NCAM2: variants seen among roughly 807,000 people sequenced by gnomAD.
The protein encoded by NCAM2 is N-CAM-2.
NCAM2 carries 30 observed loss-of-function variants against 98.1 expected under a neutral mutation model. The observed-to-expected ratio is 0.31, with a 90% CI of 0.23 to 0.41. The LOEUF (loss-of-function observed/expected upper bound fraction) is 0.41, where lower values mean the gene tolerates loss of function less well. NCAM2 is among the 10% of genes least tolerant of loss of function. NCAM2 has a pLI of 1.00. For missense variants in NCAM2, 867 were observed against 1,005.8 expected (o/e 0.86, Z 1.87); for synonymous variants, 368 against 342.4 (o/e 1.07, Z -0.83).
chr21:21,291,371 A>T (rs2147569620), intron 4 of NCAM2, among the ~76,000 whole-genome samples: 1 of 152,006 alleles, frequency 6.6e-6, no homozygotes, highest in Non-Finnish European at 1.5e-5. Flanking sequence ...ACAAAAAATA[A>T]TGCCAGGCTG....
intron 9 of NCAM2, among the ~76,000 whole-genome samples, chr21:21,397,802 C>T (rs2076544649): frequency 1.3e-5 from 2 of 152,236 alleles, no homozygotes; most frequent in African/African-American, 4.8e-5. Context: ...CCAGACCTCC[C>T]CAACTGCAGC....
At chr21:21,267,058 A>C (rs2072310507) in intron 1 of NCAM2, among the ~76,000 whole-genome samples, 1 of 152,164 alleles carries the variant, frequency 6.6e-6, no homozygotes, top group Admixed American at 6.5e-5. Flanking sequence ...CCAAGGAGAT[A>C]TCTGATGTGT....
At position 21,222,060 on chromosome 21, in the gene NCAM2, G is replaced by A. The variant is rs527758062; in HGVS notation, c.56-58518G>A. Among the ~76,000 whole-genome samples the A allele has an allele frequency of 5.3e-5, 8 of 152,198 alleles. No individual in the cohort carries two copies. The South Asian group carries it at 1.7e-3, about 32-fold the overall frequency. On this transcript the variant is annotated intron_variant, in intron 1 of 17. Transcript: ENST00000400546. ...AAATCTCCTCTGCCTGTGCATGTAA[G>A]CAGACCAACAAAGCCTGGATGACAG...
chr21:21,164,942 A>G (rs774639706), intron 1 of NCAM2, among the ~76,000 whole-genome samples: 56 of 152,176 alleles, frequency 3.7e-4, no homozygotes, highest in Non-Finnish European at 7.8e-4. Context: ...TAACTACAAA[A>G]ATTGATTGAA....
chr21:21,049,226 A>G (rs1157034589), intron 1 of NCAM2, among the ~76,000 whole-genome samples: 2 of 147,554 alleles, frequency 1.4e-5, no homozygotes, highest in Admixed American at 1.4e-4. Context: ...TCACCTTGTT[A>G]GCCAGGATAG....
chr21:21,105,992 T>G (rs2066336761), intron 1 of NCAM2, among the ~76,000 whole-genome samples: 1 of 152,102 alleles, frequency 6.6e-6, no homozygotes, highest in South Asian at 2.1e-4. Context: ...TTAATCTATA[T>G]ATATAAGTGT....
At chr21:21,432,415 C>A in intron 12 of NCAM2, 134 bp downstream of exon 12, 2 of 753,394 alleles carry the variant, frequency 2.7e-6, no homozygotes, top group Non-Finnish European at 4.2e-6. Flanking sequence ...ATTTTCTGTG[C>A]CCCATTCTTC....
chr21:21,255,929 A>G (rs191288722), intron 1 of NCAM2, among the ~76,000 whole-genome samples: 200 of 152,288 alleles, frequency 1.3e-3, no homozygotes, highest in African/African-American at 4.6e-3. Flanking sequence ...ATTATGACCA[A>G]CAACATAGAG....
At chr21:21,213,682 T>C (rs13051903) in intron 1 of NCAM2, among the ~76,000 whole-genome samples, 20 of 152,148 alleles carry the variant, frequency 1.3e-4, no homozygotes, top group Non-Finnish European at 2.9e-4. Context: ...AGTATTCAGG[T>C]TTTATATGAA....
At chr21:21,450,597 C>A (rs767491601) in intron 12 of NCAM2, among the ~76,000 whole-genome samples, 2 of 151,920 alleles carry the variant, frequency 1.3e-5, no homozygotes, top group Non-Finnish European at 2.9e-5. Flanking sequence ...CCCAAATCAC[C>A]GGGATTATAG....
intron 1 of NCAM2, among the ~76,000 whole-genome samples, chr21:21,222,766 T>A (rs2070222161): frequency 6.6e-6 from 1 of 152,182 alleles, no homozygotes; most frequent in Non-Finnish European, 1.5e-5. Flanking sequence ...AGAATATTAC[T>A]AAAACTTAGT....
intron 1 of NCAM2, among the ~76,000 whole-genome samples, chr21:21,005,022 T>C (rs939361680): frequency 1.3e-5 from 2 of 152,100 alleles, no homozygotes; most frequent in Non-Finnish European, 2.9e-5. Flanking sequence ...GTTGAGAGAA[T>C]AGAAATAATC....
chr21:21,401,840 T>C (rs1291066609), intron 9 of NCAM2, among the ~76,000 whole-genome samples: 1 of 152,166 alleles, frequency 6.6e-6, no homozygotes, highest in East Asian at 1.9e-4. Context: ...AATATGGTAA[T>C]TGTTGCAGGA....
At chr21:21,109,845 G>T (rs1216037550) in intron 1 of NCAM2, among the ~76,000 whole-genome samples, 1 of 152,162 alleles carries the variant, frequency 6.6e-6, no homozygotes, top group African/African-American at 2.4e-5. Flanking sequence ...ACTATTTAAA[G>T]ATAAGAACCT....
intron 1 of NCAM2, among the ~76,000 whole-genome samples, chr21:21,075,864 C>A (rs1220535026): frequency 6.6e-6 from 1 of 152,074 alleles, no homozygotes; most frequent in African/African-American, 2.4e-5. Context: ...CGCCTGTAAT[C>A]CCAGCACTTT....
chr21:21,327,220 A>C (rs1490662639), intron 6 of NCAM2, among the ~76,000 whole-genome samples: 1 of 149,882 alleles, frequency 6.7e-6, no homozygotes, highest in Non-Finnish European at 1.5e-5. Context: ...AAGCAGGAGA[A>C]TAGCTTGAAC....
At chr21:21,091,398 T>C (rs2066009007) in intron 1 of NCAM2, among the ~76,000 whole-genome samples, 1 of 152,168 alleles carries the variant, frequency 6.6e-6, no homozygotes, top group Non-Finnish European at 1.5e-5. Context: ...TAGCAAATCT[T>C]TTTTTCAATT....
rs1187644549 is a variant in NCAM2, at chr21:21,254,824, T to C, written c.56-25754T>C. Among the ~76,000 whole-genome samples, 3 of 152,128 alleles carry C rather than the reference T, an allele frequency of 2.0e-5. No homozygotes were observed. In the East Asian group the frequency reaches 5.8e-4, roughly 29 times the overall value. On this transcript the variant is annotated intron_variant, in intron 1 of 17. Coordinates refer to ENST00000400546, the MANE Select transcript of NCAM2 (RefSeq NM_004540.5). ...CCTCCATTTGTGGCAAGGTTGTTTA[T>C]GGCACAACAGATGTGAATACAGGCA...
chr21:21,359,985 A>T (rs1206036419), intron 8 of NCAM2, among the ~76,000 whole-genome samples: 1 of 151,954 alleles, frequency 6.6e-6, no homozygotes, highest in African/African-American at 2.4e-5. Flanking sequence ...TTTTAAAAAT[A>T]TATAGAAAAA....
Sources: gnomAD v4.1 joint callset for allele counts (sites outside exome capture counted in the v4.1 genomes callset) on GRCh38, gnomAD v4.1.1 for gene constraint, MANE v1.5 for transcripts, NCBI Gene and HGNC (gene_info 2026-07-23, HGNC 2026-07-21) for gene names.